PYY: variants seen among roughly 807,000 people sequenced by gnomAD.
PYY encodes peptide tyrosine tyrosine.
PYY carries 12 observed loss-of-function variants against 10.3 expected under a neutral mutation model. The observed-to-expected ratio is 1.17, with a 90% CI of 0.75 to 1.89. The LOEUF is 1.89. Among genes scored for constraint, PYY ranks in the 40% most tolerant of loss-of-function variants. The pLI is 0.00. For synonymous variants in PYY, 66 were observed against 62.0 expected, an observed-to-expected ratio of 1.06 and a Z score of -0.30; for missense variants, 141 against 134.0, an observed-to-expected ratio of 1.05 and a Z score of -0.26.
chr17:43,952,994 G>A lies in PYY; in HGVS notation c.270-14C>T. On this transcript the variant is annotated splice_polypyrimidine_tract_variant and intron_variant, in intron 3 of 3. Transcript: ENST00000692052. Reference sequence around the variant, plus strand: ...GGGCCCTCCGACCTGCGGAAGCGAAGGGGAAGGAATTGGATCTGGGGAGGC... The same window carrying A: ...GGGCCCTCCGACCTGCGGAAGCGAAAGGGAAGGAATTGGATCTGGGGAGGC... 6.4e-7 allele frequency: 1 copy of A among 1,571,206 alleles called. No homozygotes were observed. The highest frequency in any genetic ancestry group is 2.3e-5 in the East Asian group (1 of 44,414).
intron 1 of PYY, among the ~76,000 whole-genome samples, chr17:43,981,572 C>A (rs1427471668): frequency 6.6e-6 from 1 of 152,194 alleles, no homozygotes; most frequent in Non-Finnish European, 1.5e-5. Context: ...TCACTGCAAC[C>A]TCTGCCTCCC....
chr17:43,998,589 G>A (rs147876873), intron 1 of PYY, among the ~76,000 whole-genome samples: 27 of 152,148 alleles, frequency 1.8e-4, no homozygotes, highest in Non-Finnish European at 3.5e-4. Flanking sequence ...AAAAGAAACA[G>A]GGTTTCACTG....
At chr17:43,994,147 C>G (rs1004466236) in intron 1 of PYY, among the ~76,000 whole-genome samples, 1 of 144,770 alleles carries the variant, frequency 6.9e-6, no homozygotes, top group Non-Finnish European at 1.5e-5. Context: ...GGCCACTACA[C>G]CCAGCCTGAA....
Position 43,953,132 on chromosome 17 carries a change from G to A in PYY, c.246C>T (p.Gly82=), listed in dbSNP as rs781712657. ...ACCGCGACCTGACGGGGCGGTCCTC[G>A]CCGTCGGGGAAGAACGTTTTGGAAA... The part of the protein sequence containing the change: ...TLLSKTFFPD[G]EDRPVRSRSE... Residue 82 remains glycine (G), a synonymous_variant, in exon 3 of 4, where the codon GGC becomes GGT. Coordinates refer to ENST00000692052, the MANE Select transcript of PYY (RefSeq NM_001394028.1). The A allele has an allele frequency of 5.6e-6, 9 of 1,614,024 alleles. No individual in the cohort carries two copies. Among genetic ancestry groups the A allele is most frequent in the Non-Finnish European group, 6.8e-6 (8 of 1,179,928 alleles).
At chr17:43,966,003 A>G (rs1278843971) in intron 2 of PYY, among the ~76,000 whole-genome samples, 1 of 151,698 alleles carries the variant, frequency 6.6e-6, no homozygotes, top group African/African-American at 2.4e-5. Flanking sequence ...GATTTTAATC[A>G]CCCCCAAAAT....
At chr17:43,981,043 T>C (rs1042183243) in intron 1 of PYY, among the ~76,000 whole-genome samples, 1 of 151,936 alleles carries the variant, frequency 6.6e-6, no homozygotes, top group Non-Finnish European at 1.5e-5. Context: ...TTTTTTTTTT[T>C]AGTACAGATA....
intron 1 of PYY, among the ~76,000 whole-genome samples, chr17:43,983,176 G>A (rs1268024546): frequency 1.3e-5 from 2 of 152,132 alleles, no homozygotes; most frequent in East Asian, 3.9e-4. Context: ...AGGTTGCAGT[G>A]GGCCAAGGTC....
At position 43,964,458 on chromosome 17, in the gene PYY, G is replaced by A. The variant is rs527467275; in HGVS notation, c.-218+1830C>T. 1.1e-4 allele frequency among the ~76,000 whole-genome samples: 16 copies of A among 152,326 alleles called. No homozygotes were observed. In the South Asian group the frequency reaches 3.3e-3, roughly 32 times the overall value. ...GATGAGCATTAAGTTCAGTTATGTA[G>A]AACTAATGCTGGCTGGATGCGGTGG... On this transcript the variant is annotated intron_variant, in intron 2 of 6. Transcript: ENST00000360085.
intron 1 of PYY, among the ~76,000 whole-genome samples, chr17:43,992,795 C>T (rs1013504891): frequency 3.3e-5 from 5 of 151,938 alleles, no homozygotes; most frequent in African/African-American, 7.3e-5. Flanking sequence ...CTGAGGCACG[C>T]GAATCACTTG....
chr17:43,955,902 G>T (rs1597841963), upstream of PYY, among the ~76,000 whole-genome samples: 1 of 152,124 alleles, frequency 6.6e-6, no homozygotes, highest in African/African-American at 2.4e-5. Flanking sequence ...GAAGGACCCT[G>T]CAGGCTAACG....
Position 43,952,765 on chromosome 17 carries a change from G to C in PYY, c.*191C>G, listed in dbSNP as rs1480596645. The C allele has an allele frequency of 1.9e-6, 1 of 517,884 alleles. No individual in the cohort carries two copies. The highest frequency in any genetic ancestry group is 3.3e-6 in the Non-Finnish European group (1 of 300,864). The allele number at this position is 517,884 out of a possible 1,614,324, so 32.1% of individuals were successfully genotyped here. On this transcript the variant is annotated 3_prime_UTR_variant, in exon 4 of 4. Transcript: ENST00000692052. ...TCTGTGGAATTTGCTCTTTATTTTGGGACCAGGGAAGGACCACACACAGCC... is the reference window on the plus strand; with the variant it reads ...TCTGTGGAATTTGCTCTTTATTTTGCGACCAGGGAAGGACCACACACAGCC...
chr17:43,979,539 G>GAA (rs557714607), intron 1 of PYY, among the ~76,000 whole-genome samples: 11 of 140,896 alleles, frequency 7.8e-5, no homozygotes, highest in African/African-American at 1.8e-4. Flanking sequence ...TAATAAAGAT[G>GAA]AAAAAAAAAA....
Position 43,987,570 on chromosome 17 carries a change from G to C in PYY, c.-463+16821C>G, listed in dbSNP as rs1487583941. Among the ~76,000 whole-genome samples, 1 of 152,234 alleles carries C rather than the reference G, an allele frequency of 6.6e-6. No individual in the cohort carries two copies. The highest frequency in any genetic ancestry group is 2.4e-5 in the African/African-American group (1 of 41,462). ...ATCCAGCAATCTGTCTCCAGGTCTTGGAGCAGACAGCTCAGAATGACCACT... is the reference window on the plus strand; with the variant it reads ...ATCCAGCAATCTGTCTCCAGGTCTTCGAGCAGACAGCTCAGAATGACCACT... On this transcript the variant is annotated intron_variant, in intron 1 of 6. Coordinates refer to the PYY transcript ENST00000360085. This position sits in a 1 kb window ranked among gnomAD's most constrained non-coding sequence, Gnocchi z 4.0.
At chr17:43,985,333 C>T (rs903123179) in intron 1 of PYY, among the ~76,000 whole-genome samples, 1 of 152,164 alleles carries the variant, frequency 6.6e-6, no homozygotes, top group Non-Finnish European at 1.5e-5. Context: ...ACCTCAGCCT[C>T]CTGAGTAGCT....
chr17:44,000,374 G>A (rs1327303450), intron 1 of PYY, among the ~76,000 whole-genome samples: 2 of 152,088 alleles, frequency 1.3e-5, no homozygotes, highest in Non-Finnish European at 2.9e-5. Context: ...GGGTGTATCT[G>A]TGTGCCTTTG....
chr17:43,954,342 C>G (rs902016563), upstream of PYY, among the ~76,000 whole-genome samples: 3 of 152,156 alleles, frequency 2.0e-5, no homozygotes, highest in Non-Finnish European at 4.4e-5. Context: ...CCCTCCAGTC[C>G]GTGGGATGTG....
At chr17:44,003,294 T>C (rs992630457) in intron 1 of PYY, among the ~76,000 whole-genome samples, 8 of 152,236 alleles carry the variant, frequency 5.3e-5, no homozygotes, top group Admixed American at 5.2e-4. Flanking sequence ...CCTCACTTGA[T>C]TCTTAAGGCT....
intron 1 of PYY, among the ~76,000 whole-genome samples, chr17:43,970,498 C>T (rs567214040): frequency 1.4e-4 from 21 of 150,080 alleles, no homozygotes; most frequent in Admixed American, 9.3e-4. Context: ...CAGAAGGAGA[C>T]CCTGTCTAAA....
intron 1 of PYY, among the ~76,000 whole-genome samples, chr17:43,988,091 A>G (rs2048927159): frequency 6.6e-6 from 1 of 152,124 alleles, no homozygotes; most frequent in African/African-American, 2.4e-5. Flanking sequence ...GGGAGAGGAG[A>G]AGGTGACCCG....
Sources: gnomAD v4.1 joint callset for allele counts (sites outside exome capture counted in the v4.1 genomes callset) on GRCh38, gnomAD v4.1.1 for gene constraint, Gnocchi (gnomAD v3.1) non-coding constraint, MANE v1.5 for transcripts, NCBI Gene and HGNC (gene_info 2026-07-23, HGNC 2026-07-21) for gene names.